HPSE2: variants seen among roughly 807,000 people sequenced by gnomAD.
HPSE2 encodes inactive heparanase-2.
A neutral mutation model predicts 60.5 loss-of-function variants in HPSE2; 38 were observed. The observed-to-expected ratio is 0.63, with a 90% CI of 0.48 to 0.82. The LOEUF (loss-of-function observed/expected upper bound fraction) is 0.82. Among genes scored for constraint, HPSE2 ranks in the 40% least tolerant of loss-of-function variants. The probability of loss-of-function intolerance (pLI) is 0.00; values close to 1 mark genes in which losing one functional copy is unlikely to be tolerated. For synonymous variants in HPSE2, 295 were observed against 293.2 expected (o/e 1.01, Z -0.06); for missense variants, 713 against 740.4 (o/e 0.96, Z 0.43).
chr10:98,600,879 A>G lies in HPSE2; in HGVS notation c.1320+14025T>C, dbSNP rs1466115791. ...ATTATATATATACGTATATATGTAT[A>G]TATACATATATACGTATATATATGT... is the stretch of plus-strand genomic sequence containing the variant. On this transcript the variant is annotated intron_variant, in intron 9 of 11. Coordinates refer to ENST00000370552, the MANE Select transcript of HPSE2 (RefSeq NM_021828.5). 3.2e-3 allele frequency among the ~76,000 whole-genome samples: 447 copies of G among 139,410 alleles called. 4 individuals carry two copies. The highest frequency in any genetic ancestry group is 0.011 in the African/African-American group (433 of 37,820). The allele number at this position is 139,410 out of a possible 152,430, so 91.5% of individuals were successfully genotyped here. A position where few individuals can be genotyped will look rare whatever the true frequency, so the allele number is the denominator to read the frequency against.
chr10:99,085,653 T>C (rs575015381), intron 3 of HPSE2, among the ~76,000 whole-genome samples: 3 of 152,302 alleles, frequency 2.0e-5, no homozygotes, highest in East Asian at 1.9e-4. Flanking sequence ...AAACTGGGTG[T>C]GTGTATGTGA....
intron 3 of HPSE2, among the ~76,000 whole-genome samples, chr10:98,888,367 T>C (rs1953233575): frequency 6.6e-6 from 1 of 152,178 alleles, no homozygotes; most frequent in Non-Finnish European, 1.5e-5. Flanking sequence ...GTGAAAAGGA[T>C]ACATATTTTT....
chr10:98,791,412 G>A (rs1030110608), intron 3 of HPSE2, among the ~76,000 whole-genome samples: 1 of 152,176 alleles, frequency 6.6e-6, no homozygotes, highest in African/African-American at 2.4e-5. Flanking sequence ...GAATGGGAAT[G>A]CGCTGAGAAA....
At chr10:99,113,584 T>A (rs1213319742) in intron 3 of HPSE2, among the ~76,000 whole-genome samples, 1 of 152,160 alleles carries the variant, frequency 6.6e-6, no homozygotes, top group Non-Finnish European at 1.5e-5. Flanking sequence ...GTAATATTTT[T>A]AAAATTTGTT....
chr10:98,512,812 A>ACCACACACACACACAC (rs375085018), intron 9 of HPSE2, among the ~76,000 whole-genome samples: 1 of 124,546 alleles, frequency 8.0e-6, no homozygotes, highest in South Asian at 3.0e-4. Flanking sequence ...CCCACCCCCC[A>ACCACACACACACACAC]ACACACACAC....
intron 6 of HPSE2, among the ~76,000 whole-genome samples, chr10:98,683,622 A>C (rs1947840324): frequency 6.6e-6 from 1 of 151,958 alleles, no homozygotes; most frequent in Admixed American, 6.6e-5. Flanking sequence ...TAGATGATTA[A>C]GGAGGTTTAT....
chr10:99,184,556 A>G (rs2133840633), intron 2 of HPSE2, among the ~76,000 whole-genome samples: 1 of 130,654 alleles, frequency 7.7e-6, no homozygotes, highest in East Asian at 2.3e-4. Context: ...AAAAAAAAAA[A>G]AAAGCTAAGA....
chr10:99,228,295 A>G (rs1467523546), intron 2 of HPSE2, among the ~76,000 whole-genome samples: 3 of 152,198 alleles, frequency 2.0e-5, no homozygotes, highest in Non-Finnish European at 4.4e-5. Flanking sequence ...CAGGTTGAGG[A>G]GTTTGAACAT....
At chr10:99,118,302 T>A (rs1281679144) in intron 3 of HPSE2, among the ~76,000 whole-genome samples, 1 of 151,602 alleles carries the variant, frequency 6.6e-6, no homozygotes, top group Non-Finnish European at 1.5e-5. Context: ...GGTGGGTGGA[T>A]CACAAGGTCA....
At chr10:99,051,398 T>C (rs888229735) in intron 3 of HPSE2, among the ~76,000 whole-genome samples, 2 of 152,126 alleles carry the variant, frequency 1.3e-5, no homozygotes, top group Non-Finnish European at 2.9e-5. Context: ...GAAAGACCTA[T>C]AAATAATAAC....
intron 9 of HPSE2, among the ~76,000 whole-genome samples, chr10:98,540,991 CTTTA>C (rs988552483): frequency 6.6e-6 from 1 of 152,064 alleles, no homozygotes; most frequent in African/African-American, 2.4e-5. Context: ...TGAAAAGAAT[CTTTA>C]TTTAGGACTC....
intron 9 of HPSE2, among the ~76,000 whole-genome samples, chr10:98,578,396 A>G (rs986453018): frequency 3.9e-5 from 6 of 152,184 alleles, no homozygotes; most frequent in Non-Finnish European, 8.8e-5. Context: ...GGTTTGTCTC[A>G]GTCTAAATCG....
At chr10:98,928,378 C>T (rs11189876) in intron 3 of HPSE2, among the ~76,000 whole-genome samples, 2,088 of 45,054 alleles carry the variant, frequency 0.046, 44 homozygotes, top group South Asian at 0.075. Flanking sequence ...GGAACACTTT[C>T]ACACTGTTGG....
the HPSE2 span, among the ~76,000 whole-genome samples, chr10:99,251,969 G>A: frequency 1.3e-5 from 2 of 151,750 alleles, no homozygotes; most frequent in Admixed American, 1.3e-4. Context: ...AGCCCAGTAG[G>A]CCAAGGCTGC....
chr10:98,589,222 G>C (rs1945020515), intron 9 of HPSE2, among the ~76,000 whole-genome samples: 1 of 152,170 alleles, frequency 6.6e-6, no homozygotes, highest in East Asian at 1.9e-4. Context: ...TATAATCACA[G>C]CTGTGTAGTC....
At chr10:99,199,802 T>C (rs184297024) in intron 2 of HPSE2, among the ~76,000 whole-genome samples, 93 of 152,314 alleles carry the variant, frequency 6.1e-4, no homozygotes, top group Non-Finnish European at 1.0e-3. Flanking sequence ...GTTTTCTCTG[T>C]TTCTGTTAAG....
At chr10:98,836,033 A>G (rs1243772348) in intron 3 of HPSE2, among the ~76,000 whole-genome samples, 2 of 152,232 alleles carry the variant, frequency 1.3e-5, no homozygotes, top group African/African-American at 4.8e-5. Flanking sequence ...CCTAGTCAAC[A>G]TGAGCCAGCA....
intron 3 of HPSE2, among the ~76,000 whole-genome samples, chr10:99,134,061 G>A (rs148046144): frequency 0.018 from 2,701 of 152,256 alleles, 38 homozygotes; most frequent in Non-Finnish European, 0.028. Flanking sequence ...CACAGCACAA[G>A]AACTTCGTGA....
intron 2 of HPSE2, among the ~76,000 whole-genome samples, chr10:99,162,986 G>A (rs962805930): frequency 2.0e-5 from 3 of 152,154 alleles, no homozygotes; most frequent in African/African-American, 7.2e-5. Context: ...AAGGCAGGCA[G>A]ATCACGAGGT....
Sources: allele counts gnomAD v4.1 joint callset (sites outside exome capture counted in the v4.1 genomes callset), GRCh38; gene constraint gnomAD v4.1.1; transcripts MANE v1.5; gene names NCBI Gene and HGNC (gene_info 2026-07-23, HGNC 2026-07-21).